The following COP1 variants were observed in gnomAD, a reference collection of about 807,000 sequenced individuals.
The protein encoded by COP1 is E3 ubiquitin-protein ligase COP1.
A neutral mutation model predicts 101.3 loss-of-function variants in COP1; 24 were observed. The ratio of observed to expected loss-of-function variants is 0.24; its 90% confidence interval spans 0.17 to 0.33. The LOEUF (loss-of-function observed/expected upper bound fraction) is 0.33, where lower values mean the gene tolerates loss of function less well. Among genes scored for constraint, COP1 ranks in the 10% least tolerant of loss-of-function variants. The probability of loss-of-function intolerance (pLI) is 1.00; values close to 1 mark genes in which losing one functional copy is unlikely to be tolerated. For missense variants in COP1, 663 were observed against 906.2 expected (o/e 0.73, Z 3.45); for synonymous variants, 347 against 341.9 (o/e 1.01, Z -0.17).
chr1:176,157,830 G>C (rs1291216965), intron 5 of COP1, among the ~76,000 whole-genome samples: 3 of 152,114 alleles, frequency 2.0e-5, no homozygotes, highest in Non-Finnish European at 4.4e-5. Flanking sequence ...TCTATATGGA[G>C]CAAAATTGAA....
intron 18 of COP1, among the ~76,000 whole-genome samples, chr1:175,961,534 T>G (rs966621246): frequency 6.6e-6 from 1 of 151,710 alleles, no homozygotes; most frequent in Non-Finnish European, 1.5e-5. Context: ...AATGGACTTT[T>G]AACAGAAAGA....
intron 8 of COP1, among the ~76,000 whole-genome samples, chr1:176,129,249 C>T (rs575311699): frequency 9.2e-5 from 14 of 151,680 alleles, no homozygotes; most frequent in Non-Finnish European, 1.6e-4. Flanking sequence ...CACTTTGATT[C>T]GTCTGGAACT....
intron 11 of COP1, among the ~76,000 whole-genome samples, chr1:176,068,567 C>T (rs1238729750): frequency 6.6e-6 from 1 of 152,182 alleles, no homozygotes; most frequent in East Asian, 1.9e-4. Flanking sequence ...GGTCTCATTT[C>T]ATCTTATTTA....
At chr1:176,024,302 A>G (rs904983248) in intron 15 of COP1, among the ~76,000 whole-genome samples, 1 of 152,174 alleles carries the variant, frequency 6.6e-6, no homozygotes, top group Non-Finnish European at 1.5e-5. Context: ...CATTACTAAC[A>G]CAGACACAAA....
chr1:175,958,705 G>A, intron 18 of COP1, among the ~76,000 whole-genome samples: 1 of 151,840 alleles, frequency 6.6e-6, no homozygotes. Context: ...AAACTGAAAA[G>A]ACTTTATGTT....
intron 16 of COP1, chr1:175,989,087 T>C (rs934981777): frequency 1.0e-4 from 26 of 259,192 alleles, no homozygotes; most frequent in Middle Eastern, 2.4e-3. Context: ...GAAGTTCAAA[T>C]GCAATTAAAC....
intron 9 of COP1, among the ~76,000 whole-genome samples, chr1:176,094,809 T>C (rs970050041): frequency 2.0e-5 from 3 of 152,116 alleles, no homozygotes; most frequent in East Asian, 3.9e-4. Flanking sequence ...TTTACACATA[T>C]AACTACTTTA....
chr1:176,194,449 C>T (rs1168904301), intron 1 of COP1, among the ~76,000 whole-genome samples: 1 of 152,058 alleles, frequency 6.6e-6, no homozygotes, highest in Non-Finnish European at 1.5e-5. Context: ...ACCATCCTGG[C>T]CAACATGGTG....
intron 6 of COP1, among the ~76,000 whole-genome samples, chr1:176,143,646 C>G (rs1308497200): frequency 6.6e-6 from 1 of 151,808 alleles, no homozygotes; most frequent in African/African-American, 2.4e-5. Flanking sequence ...ACATAACGGC[C>G]AAGTTTGGTT....
At chr1:176,199,814 T>A (rs1221375968) in intron 1 of COP1, among the ~76,000 whole-genome samples, 1 of 152,244 alleles carries the variant, frequency 6.6e-6, no homozygotes, top group Non-Finnish European at 1.5e-5. Flanking sequence ...GTGAACTTTC[T>A]GGAAATGTAT....
At chr1:176,164,428 C>A (rs988682041) in intron 3 of COP1, among the ~76,000 whole-genome samples, 1 of 152,194 alleles carries the variant, frequency 6.6e-6, no homozygotes, top group Non-Finnish European at 1.5e-5. Flanking sequence ...GATTCCACCC[C>A]AACCCCATGT....
At chr1:176,163,758 C>T in intron 4 of COP1, 57 bp downstream of exon 4, 2 of 1,105,610 alleles carry the variant, frequency 1.8e-6, no homozygotes, top group South Asian at 1.5e-5. Flanking sequence ...TAATATTAAA[C>T]CAATAAAAAC....
chr1:175,974,990 G>T (rs933300868), intron 18 of COP1, among the ~76,000 whole-genome samples: 5 of 149,872 alleles, frequency 3.3e-5, no homozygotes, highest in African/African-American at 1.2e-4. Flanking sequence ...TGCAATTCAT[G>T]CAAAGAACCA....
intron 11 of COP1, among the ~76,000 whole-genome samples, chr1:176,058,712 C>G (rs1432004359): frequency 6.6e-6 from 1 of 150,906 alleles, no homozygotes; most frequent in African/African-American, 2.4e-5. Context: ...TCCTATGACC[C>G]TGCCAAATCC....
At chr1:176,051,224 G>C (rs10798444) in intron 11 of COP1, among the ~76,000 whole-genome samples, 60,569 of 151,920 alleles carry the variant, frequency 0.4, 12,282 homozygotes, top group Middle Eastern at 0.45. Context: ...AATATTTTCA[G>C]CCATCAAATG....
intron 15 of COP1, among the ~76,000 whole-genome samples, chr1:176,010,041 C>A (rs1664360025): frequency 6.6e-6 from 1 of 151,932 alleles, no homozygotes; most frequent in Non-Finnish European, 1.5e-5. Flanking sequence ...AAAAAAATAT[C>A]CAGTCTGCAA....
In COP1 at chr1:175,994,353, C is replaced by A. The variant is rs138861754; in HGVS notation, c.1730-4874G>T. ...TGCATCAACTAACGAGCAAAATAAC[C>A]AGTTAACATCATAATGACAGGATCA... On this transcript the variant is annotated intron_variant, in intron 15 of 19. Transcript: ENST00000367669. Among the ~76,000 whole-genome samples, 400 of 152,250 alleles carry A rather than the reference C, an allele frequency of 2.6e-3. 3 individuals are homozygous for A. The highest frequency in any genetic ancestry group is 9.2e-3 in the African/African-American group (382 of 41,554).
intron 2 of COP1, among the ~76,000 whole-genome samples, chr1:176,176,646 C>T (rs1385058307): frequency 6.6e-6 from 1 of 151,974 alleles, no homozygotes; most frequent in African/African-American, 2.4e-5. Context: ...TAGCAAGACT[C>T]CATTACTACA....
chr1:176,065,977 C>T (rs536822268), intron 11 of COP1, among the ~76,000 whole-genome samples: 16 of 152,062 alleles, frequency 1.1e-4, no homozygotes, highest in Non-Finnish European at 2.2e-4. Flanking sequence ...ACACCTGCCT[C>T]GGCCTCCCAA....
Sources: gnomAD v4.1 joint callset for allele counts (sites outside exome capture counted in the v4.1 genomes callset) on GRCh38, gnomAD v4.1.1 for gene constraint, MANE v1.5 for transcripts, NCBI Gene and HGNC (gene_info 2026-07-23, HGNC 2026-07-21) for gene names.